SOCS4: variants seen among roughly 807,000 people sequenced by gnomAD.
SOCS4 encodes SH2 domain containing SOCS box protein.
SOCS4 carries 20 observed loss-of-function variants against 34.1 expected under a neutral mutation model. The ratio of observed to expected loss-of-function variants is 0.59; its 90% CI spans 0.41 to 0.85. SOCS4 has a LOEUF of 0.85. Ranked by LOEUF, SOCS4 falls within the 40% of genes least tolerant of loss-of-function variation. SOCS4 has a pLI of 0.00. For missense variants in SOCS4, 479 were observed against 532.4 expected, an observed-to-expected ratio of 0.90 and a Z score of 0.99; for synonymous variants, 180 against 186.4, an observed-to-expected ratio of 0.97 and a Z score of 0.28.
Position 55,049,124 on chromosome 14 carries a change from GT to G in SOCS4, c.*4764del. On this transcript the variant is annotated 3_prime_UTR_variant, in exon 3 of 3. Transcript: ENST00000555846. ...TTAACTTATTTTAAAAGTTGATTAC[GT>G]TTTCAGAAAATAAAGATAATCACTT... 6.0e-6 allele frequency: 1 copy of G among 166,804 alleles called. No individual in the cohort carries two copies. The allele number at this position is 166,804 out of a possible 1,614,324, so 10.3% of individuals were successfully genotyped here. A position where few individuals can be genotyped will look rare whatever the true frequency, so the allele number is the denominator to read the frequency against.
At position 55,044,141 on chromosome 14, in the gene SOCS4, C is replaced by G. The variant is rs2042650717; in HGVS notation, c.1100C>G (p.Pro367Arg). 3 of 1,614,128 alleles carry G rather than the reference C, an allele frequency of 1.9e-6. No homozygotes were observed. In the South Asian group the frequency reaches 3.3e-5, roughly 18 times the overall value. Residue 367 changes from proline (P) to arginine (R), a missense_variant, in exon 3 of 3, where the codon CCA becomes CGA. Transcript: ENST00000555846. ...GGGCTCCTAGAACATTATAAGGACC[C>G]AAGCGCCTGTATGTTCTTTGAACCA... ...ITGLLEHYKD[P>R]SACMFFEPLL... is the part of the protein sequence containing the mutation.
In SOCS4 at chr14:55,044,112, T is replaced by C. The variant is rs1383342131; in HGVS notation, c.1071T>C (p.Ile357=). 2 of 1,614,192 alleles carry C rather than the reference T, an allele frequency of 1.2e-6. No homozygotes were observed. The highest frequency in any genetic ancestry group is 3.3e-5 in the Admixed American group (2 of 60,018). ...HDPCVFHSPD[I]TGLLEHYKDP... is the part of the protein sequence containing the mutation. The stretch of plus-strand genomic sequence containing the variant: ...CCTGTGTCTTCCATTCTCCTGACAT[T>C]ACTGGGCTCCTAGAACATTATAAGG... The change falls in exon 3 of 3, where the codon ATT becomes ATC. Residue 357 remains isoleucine (I), a synonymous_variant. Coordinates refer to ENST00000555846, the MANE Select transcript of SOCS4 (RefSeq NM_199421.2).
At chr14:55,030,819 A>G (rs1423543966) in intron 1 of SOCS4, among the ~76,000 whole-genome samples, 2 of 152,172 alleles carry the variant, frequency 1.3e-5, no homozygotes, top group Admixed American at 6.5e-5. Flanking sequence ...TCAGCAGCTC[A>G]TGCTATTTCA....
At chr14:55,040,894 T>G (rs2042612343) in intron 2 of SOCS4, among the ~76,000 whole-genome samples, 1 of 147,448 alleles carries the variant, frequency 6.8e-6, no homozygotes, top group Admixed American at 6.8e-5. Flanking sequence ...ACCAGATGGT[T>G]TTTTTTTTTT....
intron 1 of SOCS4, among the ~76,000 whole-genome samples, chr14:55,028,714 C>T (rs1210727644): frequency 6.6e-6 from 1 of 152,142 alleles, no homozygotes; most frequent in Non-Finnish European, 1.5e-5. Context: ...ATCAATCAAG[C>T]CATTTGATTC....
chr14:55,036,943 C>T (rs1566754390), intron 2 of SOCS4, among the ~76,000 whole-genome samples: 2 of 151,748 alleles, frequency 1.3e-5, no homozygotes, highest in East Asian at 2.0e-4. Context: ...GGCAGGACCC[C>T]ATCTCTACAA....
Position 55,043,051 on chromosome 14 carries a change from A to C in SOCS4, c.10A>C (p.Asn4His). Residue 4 changes from asparagine to histidine, a missense_variant, in exon 3 of 3, where the codon AAT (asparagine) becomes CAT (histidine). By Grantham distance (68) the Asn-to-His change is moderately conservative. Transcript: ENST00000555846. MAENNENISKNVDV... is the reference protein window; with the variant it reads MAEHNENISKNVDV... ...TGGATAATTTGTTAACATGGCAGAA[A>C]ATAATGAAAATATTAGTAAAAATGT... 6.2e-7 allele frequency: 1 copy of C among 1,601,192 alleles called. No homozygotes were observed. Among genetic ancestry groups the C allele is most frequent in the Non-Finnish European group, 8.5e-7 (1 of 1,173,398 alleles).
At chr14:55,036,983 G>T (rs2042577712) in intron 2 of SOCS4, among the ~76,000 whole-genome samples, 2 of 152,018 alleles carry the variant, frequency 1.3e-5, no homozygotes, top group African/African-American at 4.8e-5. Context: ...AGGCATGGTG[G>T]CATGCACCTG....
chr14:55,037,208 G>A lies in SOCS4; in HGVS notation c.-91+5217G>A, dbSNP rs1307080467. Among the ~76,000 whole-genome samples the A allele has an allele frequency of 9.3e-5, 14 of 150,074 alleles. 1 individual carries two copies. Among genetic ancestry groups the A allele is most frequent in the Admixed American group, 9.3e-4 (14 of 15,076 alleles). ...CGCCCAGGCTAGAGTGCAGTGGCAT[G>A]ATCTCGGCTCACCACAGCCTCCACC... On this transcript the variant is annotated intron_variant, in intron 2 of 2. Transcript: ENST00000555846.
chr14:55,037,395 C>A (rs1248322974), intron 2 of SOCS4, among the ~76,000 whole-genome samples: 1 of 151,744 alleles, frequency 6.6e-6, no homozygotes, highest in African/African-American at 2.4e-5. Context: ...CACCTGCCTC[C>A]CAAAGTCCTG....
intron 2 of SOCS4, 74 bp from the exon 3 acceptor site, chr14:55,042,878 C>T: frequency 1.6e-6 from 1 of 621,976 alleles, no homozygotes; most frequent in Non-Finnish European, 2.7e-6. Flanking sequence ...CCTCTTGTGT[C>T]TAATAGAAGC....
chr14:55,036,186 GT>G (rs1390549452), intron 2 of SOCS4, among the ~76,000 whole-genome samples: 1 of 152,174 alleles, frequency 6.6e-6, no homozygotes, highest in Non-Finnish European at 1.5e-5. Flanking sequence ...TTTATGCCTA[GT>G]TTGGGTTTTC....
At chr14:55,039,644 A>T (rs1424107666) in intron 2 of SOCS4, among the ~76,000 whole-genome samples, 1 of 152,246 alleles carries the variant, frequency 6.6e-6, no homozygotes. Flanking sequence ...CTGTAATCCC[A>T]CCACTTTAGG....
At chr14:55,029,915 C>T (rs2042513501) in intron 1 of SOCS4, among the ~76,000 whole-genome samples, 1 of 152,124 alleles carries the variant, frequency 6.6e-6, no homozygotes, top group Non-Finnish European at 1.5e-5. Context: ...CATCCAGTTC[C>T]CCTGGCTAAA....
chr14:55,033,202 G>A (rs866357901), intron 2 of SOCS4, among the ~76,000 whole-genome samples: 5 of 151,992 alleles, frequency 3.3e-5, no homozygotes, highest in Non-Finnish European at 7.4e-5. Context: ...GACAAGATAC[G>A]AAAGCACAAT....
In SOCS4 at chr14:55,043,741, A is replaced by G; in HGVS notation, c.700A>G (p.Ile234Val). The change falls in exon 3 of 3, where the codon ATT becomes GTT. Residue 234 changes from isoleucine to valine, a missense_variant. Physicochemically the swap from Ile to Val is conservative, Grantham distance 29. Transcript: ENST00000555846. ...EDSDMDSDDEILTLCTSSRKR... is the reference protein window; with the variant it reads ...EDSDMDSDDEVLTLCTSSRKR... ...TAGTGATATGGATTCCGATGATGAA[A>G]TTCTAACACTTTGCACAAGTTCCAG... The G allele has an allele frequency of 2.5e-6, 4 of 1,614,194 alleles. No homozygotes were observed. Among genetic ancestry groups the G allele is most frequent in the Non-Finnish European group, 3.4e-6 (4 of 1,180,018 alleles).
rs1001276090 is a variant in SOCS4, at chr14:55,044,595, G to A, written c.*231G>A. 11 of 235,282 alleles carry A rather than the reference G, an allele frequency of 4.7e-5. No homozygotes were observed. Among genetic ancestry groups the A allele is most frequent in the Admixed American group, 5.4e-5 (1 of 18,388 alleles). 14.6% of individuals were successfully genotyped at this position (235,282 alleles called of 1,614,324 possible). A position where few individuals can be genotyped will look rare whatever the true frequency, so the allele number is the denominator to read the frequency against. ...CAGGTGTTTGGTTTTTGTTTTTACC[G>A]TGTAGGTTGTATACTTACATTTTTT... On this transcript the variant is annotated 3_prime_UTR_variant, in exon 3 of 3. Coordinates refer to ENST00000555846, the MANE Select transcript of SOCS4 (RefSeq NM_199421.2).
At chr14:55,035,683 A>G (rs1394431865) in intron 2 of SOCS4, among the ~76,000 whole-genome samples, 1 of 152,230 alleles carries the variant, frequency 6.6e-6, no homozygotes, top group Non-Finnish European at 1.5e-5. Context: ...TTGAGTAATT[A>G]ATACATTTAG....
intron 2 of SOCS4, among the ~76,000 whole-genome samples, chr14:55,037,301 T>A (rs979429363): frequency 1.1e-4 from 17 of 150,766 alleles, no homozygotes; most frequent in African/African-American, 3.9e-4. Flanking sequence ...CCTACCACTG[T>A]GCCCAGCTAA....
Sources: gnomAD v4.1 joint callset for allele counts (sites outside exome capture counted in the v4.1 genomes callset) on GRCh38, gnomAD v4.1.1 for gene constraint, MANE v1.5 for transcripts, NCBI Gene and HGNC (gene_info 2026-07-23, HGNC 2026-07-21) for gene names.